The following DOCK10 variants were observed in gnomAD, a reference collection of about 807,000 sequenced individuals.
DOCK10 encodes dedicator of cytokinesis 10, also known as dedicator of cytokinesis protein 10.
DOCK10 carries 145 observed loss-of-function variants against 280.1 expected under a neutral mutation model. That is an observed-to-expected ratio of 0.52 (90% CI 0.45 to 0.59). DOCK10 has a LOEUF of 0.59. Ranked by LOEUF, DOCK10 falls within the 20% of genes least tolerant of loss-of-function variation. The pLI, the probability that DOCK10 is intolerant of heterozygous loss-of-function variation, is 0.00. For synonymous variants in DOCK10, 915 were observed against 942.2 expected (o/e 0.97, Z 0.53); for missense variants, 2,368 against 2,651.7 (o/e 0.89, Z 2.35).
chr2:224,842,459 TAC>T (rs1329352843), intron 22 of DOCK10, among the ~76,000 whole-genome samples: 1 of 151,598 alleles, frequency 6.6e-6, no homozygotes, highest in African/African-American at 2.4e-5. Flanking sequence ...GGGTGGGAGC[TAC>T]ACAGTCAGGC....
intron 1 of DOCK10, among the ~76,000 whole-genome samples, chr2:224,967,639 G>T (rs1374021446): frequency 6.6e-6 from 1 of 151,806 alleles, no homozygotes; most frequent in Admixed American, 6.6e-5. Flanking sequence ...GCTCTGTGTT[G>T]TGTGTACTAC....
intron 1 of DOCK10, among the ~76,000 whole-genome samples, chr2:224,977,689 T>C (rs533344967): frequency 1.3e-5 from 2 of 152,242 alleles, no homozygotes; most frequent in Non-Finnish European, 2.9e-5. Context: ...TAAACTTGAC[T>C]GCATCGTAAC....
intron 50 of DOCK10, among the ~76,000 whole-genome samples, chr2:224,780,685 A>G (rs192781347): frequency 2.0e-5 from 3 of 152,104 alleles, no homozygotes; most frequent in African/African-American, 7.2e-5. Context: ...GCGGATCACA[A>G]AGTACAAGAG....
intron 6 of DOCK10, 102 bp downstream of exon 6, chr2:224,885,960 GA>G: frequency 6.6e-7 from 1 of 1,520,082 alleles, no homozygotes; most frequent in Non-Finnish European, 8.8e-7. Context: ...AATATTATAT[GA>G]AACATAAACT....
chr2:224,806,107 C>T lies in DOCK10; in HGVS notation c.3814+19G>A. ...TGGATGAGTGTTAAAAATAAGTGTT[C>T]TCAGAAGATCTCAAGTACCTGCTAT... On this transcript the variant is annotated intron_variant, in intron 34 of 55. Transcript: ENST00000258390. 1 of 1,436,970 alleles carries T rather than the reference C, an allele frequency of 7.0e-7. No homozygotes were observed. Among genetic ancestry groups the T allele is most frequent in the Non-Finnish European group, 9.7e-7 (1 of 1,029,716 alleles). The allele number at this position is 1,436,970 out of a possible 1,614,324, so 89.0% of individuals were successfully genotyped here.
intron 14 of DOCK10, among the ~76,000 whole-genome samples, chr2:224,857,189 G>A (rs753854248): frequency 6.6e-6 from 1 of 152,090 alleles, no homozygotes; most frequent in South Asian, 2.1e-4. Context: ...CTCTGTATCC[G>A]AAGTGATAAC....
chr2:225,014,291 A>G (rs1050405095), intron 1 of DOCK10, among the ~76,000 whole-genome samples: 30 of 151,838 alleles, frequency 2.0e-4, no homozygotes, highest in Non-Finnish European at 1.0e-4. Flanking sequence ...TCCTTTGGAG[A>G]CAATGAAAAA....
chr2:224,864,792 C>T lies in DOCK10; in HGVS notation c.1479+74G>A. 2.5e-6 allele frequency: 4 copies of T among 1,590,586 alleles called. No individual in the cohort carries two copies. In the South Asian group the frequency reaches 3.4e-5, roughly 14 times the overall value. Reference sequence around the variant, plus strand: ...GGGAATTTTTATTCAGGAAATTGCTCATCTTATATGATCTATTGGTAAGAA... The same window carrying T: ...GGGAATTTTTATTCAGGAAATTGCTTATCTTATATGATCTATTGGTAAGAA... On this transcript the variant is annotated intron_variant, in intron 12 of 55. Coordinates refer to ENST00000258390, the MANE Select transcript of DOCK10 (RefSeq NM_014689.3).
rs969211935 is a variant in DOCK10 at position 224,810,255 on chromosome 2, C to T, written c.3410-2169G>A. On this transcript the variant is annotated intron_variant, in intron 31 of 55. Transcript: ENST00000258390. ...TGCATGTAACAAAATTACACTTGTA[C>T]CCCTCTAAGTTTCTGCAAAAAAATT... 2.6e-5 allele frequency among the ~76,000 whole-genome samples: 4 copies of T among 152,062 alleles called. No individual in the cohort carries two copies. In the South Asian group the frequency reaches 6.2e-4, roughly 24 times the overall value.
At chr2:224,882,126 C>T (rs1197669648) in intron 7 of DOCK10, among the ~76,000 whole-genome samples, 1 of 152,070 alleles carries the variant, frequency 6.6e-6, no homozygotes, top group East Asian at 1.9e-4. Flanking sequence ...GAGATAGGGA[C>T]CTAAAACAGA....
At chr2:224,942,549 G>A (rs773642284) in intron 1 of DOCK10, among the ~76,000 whole-genome samples, 5 of 152,048 alleles carry the variant, frequency 3.3e-5, no homozygotes, top group Non-Finnish European at 5.9e-5. Flanking sequence ...AATAAGCAAC[G>A]CCCTATGAAT....
chr2:224,785,513 C>T (rs1421227299), intron 50 of DOCK10, among the ~76,000 whole-genome samples: 2 of 152,120 alleles, frequency 1.3e-5, no homozygotes, highest in Admixed American at 6.5e-5. Context: ...TGGAGTCTCA[C>T]TCTGTCACCC....
intron 3 of DOCK10, among the ~76,000 whole-genome samples, chr2:224,915,873 C>G (rs1183151172): frequency 6.6e-6 from 1 of 152,200 alleles, no homozygotes; most frequent in African/African-American, 2.4e-5. Flanking sequence ...TTTTGTAGGC[C>G]TCTTATACAC....
chr2:224,883,420 G>A (rs1008300461), intron 7 of DOCK10, among the ~76,000 whole-genome samples: 2 of 152,158 alleles, frequency 1.3e-5, no homozygotes, highest in East Asian at 1.9e-4. Flanking sequence ...AAAAATATCC[G>A]GAACGTAAAT....
At chr2:224,839,914 C>T (rs1695843947) in intron 24 of DOCK10, 40 bp downstream of exon 24, 4 of 858,756 alleles carry the variant, frequency 4.7e-6, no homozygotes, top group South Asian at 3.6e-5. Context: ...TGTAACTACA[C>T]ATTATAAAGT....
intron 53 of DOCK10, among the ~76,000 whole-genome samples, 159 bp downstream of exon 53, chr2:224,772,998 A>G (rs937684926): frequency 2.0e-5 from 3 of 152,206 alleles, no homozygotes; most frequent in Admixed American, 2.0e-4. Context: ...ATTAATGCAC[A>G]TTGACAACTA....
intron 1 of DOCK10, among the ~76,000 whole-genome samples, chr2:224,939,271 C>T (rs1702875204): frequency 6.6e-6 from 1 of 152,092 alleles, no homozygotes; most frequent in African/African-American, 2.4e-5. Flanking sequence ...TTTGTTAACC[C>T]TTAATTTCTT....
chr2:224,873,944 G>A (rs1181435106), intron 11 of DOCK10, 52 bp downstream of exon 11: 16 of 1,552,718 alleles, frequency 1.0e-5, no homozygotes, highest in African/African-American at 1.4e-5. Context: ...TTTTGACTAG[G>A]GTGGTGTAAT....
chr2:224,935,989 A>G (rs1702668856), intron 1 of DOCK10, among the ~76,000 whole-genome samples: 3 of 152,202 alleles, frequency 2.0e-5, no homozygotes. Flanking sequence ...ATCCAAAGGT[A>G]TAAGGGAGAA....
Sources: allele counts gnomAD v4.1 joint callset (sites outside exome capture counted in the v4.1 genomes callset), GRCh38; gene constraint gnomAD v4.1.1; transcripts MANE v1.5; gene names NCBI Gene and HGNC (gene_info 2026-07-23, HGNC 2026-07-21).